PRTN3: variants seen among roughly 807,000 people sequenced by gnomAD.
PRTN3 encodes proteinase 3.
In PRTN3, 22 loss-of-function variants were observed where a neutral mutation model predicts 20.7. That is an observed-to-expected ratio of 1.06 (90% CI 0.76 to 1.52). PRTN3 has a LOEUF of 1.52. Ranked by LOEUF, PRTN3 falls within the 40% of genes most tolerant of loss-of-function variation. The pLI is 0.00. For synonymous variants in PRTN3, 173 were observed against 152.9 expected, an observed-to-expected ratio of 1.13 and a Z score of -0.97; for missense variants, 378 against 359.6, an observed-to-expected ratio of 1.05 and a Z score of -0.41.
intron 1 of PRTN3, among the ~76,000 whole-genome samples, chr19:841,956 T>C (rs1394472617): frequency 6.6e-6 from 1 of 151,882 alleles, no homozygotes. Flanking sequence ...CTCGATCTCC[T>C]GACTTCGTGA....
intron 3 of PRTN3, among the ~76,000 whole-genome samples, chr19:845,559 C>G (rs532354723): frequency 2.0e-5 from 3 of 151,786 alleles, no homozygotes; most frequent in African/African-American, 7.2e-5. Context: ...ACTAAAAATA[C>G]AAAAATTAGC....
At chr19:844,061 G>A (rs372806630) in intron 3 of PRTN3, 27 bp downstream of exon 3, 7 of 1,583,426 alleles carry the variant, frequency 4.4e-6, no homozygotes, top group Middle Eastern at 1.7e-4. Flanking sequence ...GCGAGGGCTC[G>A]GAGGGGCACG....
In PRTN3 at chr19:848,175, C is replaced by A. The variant is rs1043118643; in HGVS notation, c.*206C>A. 6 of 617,698 alleles carry A rather than the reference C, an allele frequency of 9.7e-6. No individual in the cohort carries two copies. In the African/African-American group the frequency reaches 1.1e-4, roughly 11 times the overall value. The allele number at this position is 617,698 out of a possible 1,614,324, so 38.3% of individuals were successfully genotyped here. On this transcript the variant is annotated 3_prime_UTR_variant, in exon 5 of 5. Coordinates refer to ENST00000234347, the MANE Select transcript of PRTN3 (RefSeq NM_002777.4). Reference sequence around the variant, plus strand: ...GTGACCTCAATAAACGTTGAAACTCCCCCTGGCTCCTGTCTGTCCTTCCCA... The same window carrying A: ...GTGACCTCAATAAACGTTGAAACTCACCCTGGCTCCTGTCTGTCCTTCCCA...
In PRTN3 at chr19:843,453, C is replaced by A. The variant is rs761426816; in HGVS notation, c.62-8C>A. ...GGGCTCCCTGACGCCTGGACTCCCC[C>A]CCTGCAGGTGCTGCCCGAGCTGCGG... On this transcript the variant is annotated splice_region_variant and splice_polypyrimidine_tract_variant and intron_variant, in intron 1 of 4. Coordinates refer to ENST00000234347, the MANE Select transcript of PRTN3 (RefSeq NM_002777.4). The A allele has an allele frequency of 1.2e-5, 18 of 1,553,020 alleles. No homozygotes were observed. Among genetic ancestry groups the A allele is most frequent in the Non-Finnish European group, 1.4e-5 (16 of 1,154,222 alleles).
In PRTN3 at chr19:846,393, C is replaced by G. The variant is rs906781507; in HGVS notation, c.600+16C>G. On this transcript the variant is annotated intron_variant, in intron 4 of 4. Coordinates refer to ENST00000234347, the MANE Select transcript of PRTN3 (RefSeq NM_002777.4). ...CATCTGCTTCGTAAGTAACCGTGCCCCCACCCCGGGCACCGGGCTGCCATG... is the reference window on the plus strand; with the variant it reads ...CATCTGCTTCGTAAGTAACCGTGCCGCCACCCCGGGCACCGGGCTGCCATG... 6.5e-7 allele frequency: 1 copy of G among 1,546,924 alleles called. No individual in the cohort carries two copies. The highest frequency in any genetic ancestry group is 8.7e-7 in the Non-Finnish European group (1 of 1,145,592).
chr19:842,413 A>ATTTTTTTTTTT lies in PRTN3; in HGVS notation c.62-1034_62-1024dup, dbSNP rs34047197. 2.9e-3 allele frequency among the ~76,000 whole-genome samples: 113 copies of ATTTTTTTTTTT among 39,422 alleles called. 28 individuals are homozygous for ATTTTTTTTTTT. Among genetic ancestry groups the ATTTTTTTTTTT allele is most frequent in the African/African-American group, 0.015 (101 of 6,794 alleles). 25.9% of individuals were successfully genotyped at this position (39,422 alleles called of 152,430 possible). On this transcript the variant is annotated intron_variant, in intron 1 of 4. Transcript: ENST00000234347. ...TCAGGCATGAGCCACTGCGCCCAGGATTTTTTTTTTTTTTTTTTTTTTTTG... is the reference window on the plus strand; with the variant it reads ...TCAGGCATGAGCCACTGCGCCCAGGATTTTTTTTTTTTTTTTTTTTTTTTTTTTTTTTTTTG...
At chr19:841,246 G>T (rs1213999411) in intron 1 of PRTN3, among the ~76,000 whole-genome samples, 177 bp downstream of exon 1, 1 of 152,216 alleles carries the variant, frequency 6.6e-6, no homozygotes, top group Non-Finnish European at 1.5e-5. Flanking sequence ...GAGGACAAGG[G>T]CAAGGGGGAG....
At chr19:843,175 CA>C (rs1030347289) in intron 1 of PRTN3, among the ~76,000 whole-genome samples, 4 of 152,220 alleles carry the variant, frequency 2.6e-5, no homozygotes, top group Admixed American at 6.5e-5. Flanking sequence ...CTCGGCCTCC[CA>C]AAGTGTTGGG....
chr19:846,672 G>A (rs1167024767), intron 4 of PRTN3, among the ~76,000 whole-genome samples: 1 of 152,208 alleles, frequency 6.6e-6, no homozygotes, highest in Admixed American at 6.5e-5. Flanking sequence ...CAGAATCCAG[G>A]ACTCCAGGTA....
intron 1 of PRTN3, among the ~76,000 whole-genome samples, chr19:842,674 G>A (rs1333356720): frequency 1.1e-4 from 15 of 138,762 alleles, no homozygotes; most frequent in Admixed American, 2.5e-4. Context: ...CACAACCTCC[G>A]CTTCCTGGGT....
At chr19:844,114 T>C (rs2035482911) in intron 3 of PRTN3, 80 bp downstream of exon 3, 4 of 1,496,344 alleles carry the variant, frequency 2.7e-6, no homozygotes, top group Admixed American at 2.2e-5. Flanking sequence ...CCAGCATTCA[T>C]TGAGCACCCA....
chr19:844,218 C>G (rs2035484693), intron 3 of PRTN3, among the ~76,000 whole-genome samples, 184 bp downstream of exon 3: 1 of 145,948 alleles, frequency 6.9e-6, no homozygotes, highest in East Asian at 2.1e-4. Context: ...CACTCCTCCT[C>G]CCCGCCTCTC....
chr19:847,997 AC>A lies in PRTN3; in HGVS notation c.*32del. On this transcript the variant is annotated 3_prime_UTR_variant, in exon 5 of 5. Transcript: ENST00000234347. ...CGCCCCTCCCACAGCGCTGGCCGGG[AC>A]CCCGAGCCTGGCTCCAAACCCTCGA... 1 of 1,573,904 alleles carries A rather than the reference AC, an allele frequency of 6.4e-7. No homozygotes were observed. The highest frequency in any genetic ancestry group is 8.6e-7 in the Non-Finnish European group (1 of 1,161,420).
At position 846,397 on chromosome 19, in the gene PRTN3, C is replaced by T. The variant is rs1176116925; in HGVS notation, c.600+20C>T. ...TGCTTCGTAAGTAACCGTGCCCCCA[C>T]CCCGGGCACCGGGCTGCCATGAGGG... On this transcript the variant is annotated intron_variant, in intron 4 of 4. Transcript: ENST00000234347. The T allele has an allele frequency of 6.5e-7, 1 of 1,544,492 alleles. No individual in the cohort carries two copies. Among genetic ancestry groups the T allele is most frequent in the South Asian group, 1.2e-5 (1 of 83,316 alleles).
At chr19:841,384 T>C (rs1399747268) in intron 1 of PRTN3, among the ~76,000 whole-genome samples, 1 of 152,188 alleles carries the variant, frequency 6.6e-6, no homozygotes, top group African/African-American at 2.4e-5. Flanking sequence ...CTTCAGCAAA[T>C]GCTCAGTGAA....
intron 1 of PRTN3, 95 bp from the exon 2 acceptor site, chr19:843,366 G>T: frequency 7.5e-7 from 1 of 1,335,660 alleles, no homozygotes; most frequent in South Asian, 1.5e-5. Context: ...TGCAGATCGG[G>T]AGACGGAGGC....
At chr19:846,722 A>T (rs552147849) in intron 4 of PRTN3, among the ~76,000 whole-genome samples, 1 of 149,398 alleles carries the variant, frequency 6.7e-6, no homozygotes, top group South Asian at 2.1e-4. Context: ...CCTACGAAAG[A>T]CCTCAGCCCC....
chr19:841,214 GA>G (rs1948236581), intron 1 of PRTN3, 145 bp downstream of exon 1: 4 of 1,122,624 alleles, frequency 3.6e-6, no homozygotes, highest in Non-Finnish European at 5.0e-6. Flanking sequence ...CACTGCTCGG[GA>G]CCAACGCTTG....
In PRTN3 at chr19:843,767, G is replaced by T. The variant is rs558183926; in HGVS notation, c.228-126G>T. Reference sequence around the variant, plus strand: ...AGGCCCCGCGCGCGTGGGCAGTTCTGGGGGGAGGCCCGGGGCAGGGTCGCC... The same window carrying T: ...AGGCCCCGCGCGCGTGGGCAGTTCTTGGGGGAGGCCCGGGGCAGGGTCGCC... On this transcript the variant is annotated intron_variant, in intron 2 of 4. Transcript: ENST00000234347. The T allele has an allele frequency of 1.8e-4, 260 of 1,452,770 alleles. 1 individual carries two copies. The East Asian group carries it at 6.2e-3, about 35-fold the overall frequency. The allele number at this position is 1,452,770 out of a possible 1,614,324, so 90.0% of individuals were successfully genotyped here. A position where few individuals can be genotyped will look rare whatever the true frequency, so the allele number is the denominator to read the frequency against.
Sources: allele counts gnomAD v4.1 joint callset (sites outside exome capture counted in the v4.1 genomes callset), GRCh38; gene constraint gnomAD v4.1.1; transcripts MANE v1.5; gene names NCBI Gene and HGNC (gene_info 2026-07-23, HGNC 2026-07-21).